The following TTC21B variants were observed in gnomAD, a reference collection of about 807,000 sequenced individuals.
TTC21B encodes the protein tetratricopeptide repeat domain 21B.
A neutral mutation model predicts 175.1 loss-of-function variants in TTC21B; 127 were observed. The ratio of observed to expected loss-of-function variants is 0.73; its 90% CI spans 0.63 to 0.84. The LOEUF is 0.84. Among genes scored for constraint, TTC21B ranks in the 40% least tolerant of loss-of-function variants. The pLI, the probability that TTC21B is intolerant of heterozygous loss-of-function variation, is 0.00. For missense variants in TTC21B, 1,561 were observed against 1,558.3 expected (o/e 1.00, Z -0.03); for synonymous variants, 524 against 524.5 (o/e 1.00, Z 0.01).
At chr2:165,892,337 T>C (rs1177560080) in intron 22 of TTC21B, among the ~76,000 whole-genome samples, 1 of 152,144 alleles carries the variant, frequency 6.6e-6, no homozygotes, top group African/African-American at 2.4e-5. Flanking sequence ...GATGACACCA[T>C]GTAATTCAGC....
chr2:165,948,406 G>A (rs975581178), intron 3 of TTC21B: 1 of 152,180 alleles, frequency 6.6e-6, no homozygotes, highest in African/African-American at 2.4e-5. Flanking sequence ...ATTAGGCACA[G>A]TTTCTTGAAG....
intron 12 of TTC21B, among the ~76,000 whole-genome samples, chr2:165,919,822 C>T (rs2105329932): frequency 6.6e-6 from 1 of 152,234 alleles, no homozygotes; most frequent in East Asian, 1.9e-4. Flanking sequence ...TTTGTTGTGT[C>T]ACTTATGTTA....
chr2:165,879,987 T>C (rs1684787708), intron 27 of TTC21B: 1 of 152,830 alleles, frequency 6.5e-6, no homozygotes, highest in Non-Finnish European at 1.5e-5. Flanking sequence ...GGAGGCATTC[T>C]GTAAGTTGCT....
intron 26 of TTC21B, 75 bp from the exon 27 acceptor site, chr2:165,880,874 A>C: frequency 6.8e-7 from 1 of 1,469,670 alleles, no homozygotes; most frequent in Non-Finnish European, 9.4e-7. Context: ...GTGACTATAG[A>C]GGTCAATCAT....
chr2:165,911,435 T>G lies in TTC21B; in HGVS notation c.2353A>C (p.Thr785Pro), dbSNP rs1292175280. 6.2e-7 allele frequency: 1 copy of G among 1,613,660 alleles called. No homozygotes were observed. Among genetic ancestry groups the G allele is most frequent in the Non-Finnish European group, 8.5e-7 (1 of 1,179,884 alleles). Residue 785 changes from threonine (T) to proline (P), a missense_variant, in exon 18 of 29, where the codon ACT becomes CCT. By Grantham distance (38) the Thr-to-Pro change is conservative. Coordinates refer to ENST00000243344, the MANE Select transcript of TTC21B (RefSeq NM_024753.5). Reference sequence around the variant, plus strand: ...TAGCAAAGATAATTCTTTTGTCCAGTTTTCAGAGCAGCTTCATAGTAAGTG... The same window carrying G: ...TAGCAAAGATAATTCTTTTGTCCAGGTTTCAGAGCAGCTTCATAGTAAGTG... ...AITYYEAALK[T>P]GQKNYLCYDL...
chr2:165,944,578 G>A (rs984329472), intron 4 of TTC21B, among the ~76,000 whole-genome samples: 4 of 152,054 alleles, frequency 2.6e-5, no homozygotes, highest in Non-Finnish European at 5.9e-5. Flanking sequence ...AGAAACCATT[G>A]TCTAATTAAT....
At chr2:165,911,249 A>C (rs538598180) in intron 18 of TTC21B, 78 bp downstream of exon 18, 1 of 1,541,494 alleles carries the variant, frequency 6.5e-7, no homozygotes, top group Non-Finnish European at 8.9e-7. Context: ...TTGAGAATAC[A>C]AATACATATT....
chr2:165,917,804 T>C (rs1310285373), intron 13 of TTC21B, among the ~76,000 whole-genome samples: 1 of 152,218 alleles, frequency 6.6e-6, no homozygotes, highest in East Asian at 1.9e-4. Context: ...AGGAAAAGAA[T>C]TTCTTTATCT....
intron 18 of TTC21B, 119 bp downstream of exon 18, chr2:165,911,208 T>C (rs1685920298): frequency 8.0e-7 from 1 of 1,250,586 alleles, no homozygotes. Context: ...AAAATACGCA[T>C]GTATTTATAT....
intron 19 of TTC21B, among the ~76,000 whole-genome samples, chr2:165,902,696 T>C (rs1351707523): frequency 6.6e-6 from 1 of 152,222 alleles, no homozygotes; most frequent in Non-Finnish European, 1.5e-5. Context: ...GTGTTTTAGA[T>C]TATACACATG....
Position 165,929,731 on chromosome 2 carries a change from C to T in TTC21B, c.1104G>A (p.Gln368=). ...CATCCTGTAATTGCCCTTCTATCAA[C>T]TGACATTGGATAAATCCTAAAATCA... is the stretch of plus-strand genomic sequence containing the variant. The part of the protein sequence containing the change: ...VSALVGFIQC[Q]LIEGQLQDAD... Residue 368 remains glutamine, a synonymous_variant, in exon 10 of 29, where the codon CAG becomes CAA. Transcript: ENST00000243344. 6.2e-7 allele frequency: 1 copy of T among 1,611,564 alleles called. No individual in the cohort carries two copies. The highest frequency in any genetic ancestry group is 8.5e-7 in the Non-Finnish European group (1 of 1,178,448).
intron 18 of TTC21B, among the ~76,000 whole-genome samples, chr2:165,910,482 A>G (rs1381264644): frequency 1.3e-5 from 2 of 152,174 alleles, no homozygotes. Flanking sequence ...CAAATTTTAC[A>G]TGCACAAAAT....
At chr2:165,912,418 C>A in intron 17 of TTC21B, 96 bp downstream of exon 17, 1 of 939,802 alleles carries the variant, frequency 1.1e-6, no homozygotes, top group South Asian at 1.3e-5. Context: ...GAGTTTACAA[C>A]CATTAAAGAT....
chr2:165,900,626 T>G (rs58268217), intron 20 of TTC21B, among the ~76,000 whole-genome samples: 4,302 of 152,280 alleles, frequency 0.028, 86 homozygotes, highest in Middle Eastern at 0.044. Context: ...CTAGCCATTT[T>G]TGCATCCTTA....
chr2:165,941,694 A>G (rs746571754), intron 5 of TTC21B, among the ~76,000 whole-genome samples: 1 of 152,078 alleles, frequency 6.6e-6, no homozygotes, highest in Non-Finnish European at 1.5e-5. Flanking sequence ...ATTGGACAAG[A>G]CCACAAGGAA....
chr2:165,897,393 T>TA (rs148378667), intron 22 of TTC21B, among the ~76,000 whole-genome samples: 1 of 152,218 alleles, frequency 6.6e-6, no homozygotes, highest in African/African-American at 2.4e-5. Flanking sequence ...GATTTGCTGA[T>TA]AGACTGGAGG....
chr2:165,941,385 A>G (rs919421475), intron 5 of TTC21B, among the ~76,000 whole-genome samples: 11 of 152,206 alleles, frequency 7.2e-5, no homozygotes, highest in African/African-American at 2.7e-4. Context: ...TGTGTTTTAA[A>G]ATTTACTTTT....
At chr2:165,932,857 T>C (rs184903071) in intron 7 of TTC21B, 116 bp downstream of exon 7, 5 of 898,570 alleles carry the variant, frequency 5.6e-6, no homozygotes, top group Non-Finnish European at 8.8e-6. Context: ...CCATGATGTA[T>C]ATTTTAAAAG....
chr2:165,931,311 C>T (rs898837438), intron 8 of TTC21B, among the ~76,000 whole-genome samples: 1 of 151,754 alleles, frequency 6.6e-6, no homozygotes, highest in Non-Finnish European at 1.5e-5. Context: ...TCTTGATTAC[C>T]TTTCTTTTAC....
Sources: allele counts gnomAD v4.1 joint callset (sites outside exome capture counted in the v4.1 genomes callset), GRCh38; gene constraint gnomAD v4.1.1; transcripts MANE v1.5; gene names NCBI Gene and HGNC (gene_info 2026-07-23, HGNC 2026-07-21).